TSHZ3: variants seen among roughly 807,000 people sequenced by gnomAD.
The protein encoded by TSHZ3 is teashirt homolog 3.
Under a neutral mutation model 64.5 loss-of-function variants are expected in TSHZ3, and 10 were observed. That is an observed-to-expected ratio of 0.16 (90% CI 0.10 to 0.26). TSHZ3 has a LOEUF of 0.26. Ranked by LOEUF, TSHZ3 falls within the 10% of genes least tolerant of loss-of-function variation. The pLI is 1.00. For missense variants in TSHZ3, 1,242 were observed against 1,421.7 expected (o/e 0.87, Z 2.03); for synonymous variants, 608 against 593.1 (o/e 1.03, Z -0.36).
chr19:31,303,950 C>T (rs1180456046), intron 1 of TSHZ3, among the ~76,000 whole-genome samples: 2 of 151,610 alleles, frequency 1.3e-5, no homozygotes, highest in Non-Finnish European at 2.9e-5. Context: ...ACAAGGACTT[C>T]ATGAAGTCCT....
At chr19:31,234,238 A>G (rs1483724641) in intron 3 of TSHZ3, among the ~76,000 whole-genome samples, 1 of 152,116 alleles carries the variant, frequency 6.6e-6, no homozygotes. Context: ...GACGTTGCTA[A>G]ATTCATTTTT....
chr19:31,236,063 C>A (rs1193111553), intron 3 of TSHZ3, among the ~76,000 whole-genome samples: 4 of 152,134 alleles, frequency 2.6e-5, no homozygotes, highest in Non-Finnish European at 2.9e-5. Context: ...CATATCTTGG[C>A]TATTGTGAAT....
intron 5 of TSHZ3, among the ~76,000 whole-genome samples, chr19:31,198,731 T>A (rs1287293224): frequency 1.3e-5 from 2 of 152,104 alleles, no homozygotes; most frequent in Admixed American, 1.3e-4. Context: ...ACAAAATATG[T>A]ACAAAATCTA....
chr19:31,307,366 A>G (rs917953238), intron 1 of TSHZ3, among the ~76,000 whole-genome samples: 2 of 152,018 alleles, frequency 1.3e-5, no homozygotes, highest in African/African-American at 2.4e-5. Context: ...GATGGGGCCA[A>G]CTGCATATGG....
Position 31,215,370 on chromosome 19 carries a change from G to A in TSHZ3, n.687-10292C>T, listed in dbSNP as rs568537760. 3.9e-5 allele frequency among the ~76,000 whole-genome samples: 6 copies of A among 152,238 alleles called. No individual in the cohort carries two copies. In the East Asian group the frequency reaches 1.2e-3, roughly 29 times the overall value. On this transcript the variant is annotated intron_variant and non_coding_transcript_variant, in intron 4 of 6. Transcript: ENST00000651361. Reference sequence around the variant, plus strand: ...TAAAATAATCTTAAATAACATCAATGCTATACAAGTAAACAAGAAACATCA... The same window carrying A: ...TAAAATAATCTTAAATAACATCAATACTATACAAGTAAACAAGAAACATCA...
At chr19:31,200,373 G>C (rs1015808785) in intron 5 of TSHZ3, among the ~76,000 whole-genome samples, 1 of 152,140 alleles carries the variant, frequency 6.6e-6, no homozygotes, top group African/African-American at 2.4e-5. Context: ...GGTACATCTT[G>C]ACTTTGGAAT....
chr19:31,209,493 G>A (rs1404549530), intron 4 of TSHZ3, among the ~76,000 whole-genome samples: 2 of 152,168 alleles, frequency 1.3e-5, no homozygotes, highest in African/African-American at 2.4e-5. Context: ...ACCCTAAGTG[G>A]GGATACTAGG....
At chr19:31,202,996 G>T (rs1354514814) in intron 5 of TSHZ3, among the ~76,000 whole-genome samples, 1 of 151,816 alleles carries the variant, frequency 6.6e-6, no homozygotes, top group Non-Finnish European at 1.5e-5. Context: ...GAGAGAGAAT[G>T]AAAATTAAGC....
intron 1 of TSHZ3, among the ~76,000 whole-genome samples, chr19:31,298,840 A>G (rs1976706108): frequency 6.6e-6 from 1 of 152,190 alleles, no homozygotes; most frequent in South Asian, 2.1e-4. Context: ...TCCAGAATAC[A>G]CGTTTAAAAT....
At chr19:31,341,732 C>T (rs947408882) in intron 1 of TSHZ3, among the ~76,000 whole-genome samples, 3 of 151,884 alleles carry the variant, frequency 2.0e-5, no homozygotes, top group East Asian at 1.9e-4. Context: ...GATCCGAATC[C>T]TCTGCTAGCA....
At chr19:31,285,944 G>C (rs1386375724) in intron 1 of TSHZ3, among the ~76,000 whole-genome samples, 2 of 152,182 alleles carry the variant, frequency 1.3e-5, no homozygotes, top group East Asian at 3.9e-4. Flanking sequence ...GGGGGAGGAG[G>C]TTCTCATTCA....
chr19:31,259,776 G>T lies in TSHZ3; in HGVS notation n.64-16901C>A, dbSNP rs551069937. 3.9e-5 allele frequency among the ~76,000 whole-genome samples: 6 copies of T among 152,320 alleles called. No individual in the cohort carries two copies. The South Asian group carries it at 1.2e-3, about 32-fold the overall frequency. On this transcript the variant is annotated intron_variant and non_coding_transcript_variant, in intron 1 of 6. Coordinates refer to the TSHZ3 transcript ENST00000651361. ...GGAGCTGCATTTAGGGAAGAGGAGA[G>T]AATGGTGGTTCTTTTGTGATCCATC... is the stretch of plus-strand genomic sequence containing the variant.
At chr19:31,187,654 A>G (rs181065877) in intron 5 of TSHZ3, among the ~76,000 whole-genome samples, 8 of 152,176 alleles carry the variant, frequency 5.3e-5, no homozygotes, top group Admixed American at 3.3e-4. Flanking sequence ...TTTTTTCAGT[A>G]TGGGTATATC....
intron 5 of TSHZ3, among the ~76,000 whole-genome samples, chr19:31,169,094 A>C (rs1264760290): frequency 1.3e-5 from 2 of 151,894 alleles, no homozygotes; most frequent in Admixed American, 1.3e-4. Flanking sequence ...AGTGGACTTC[A>C]TGTTATTTGA....
chr19:31,202,333 T>G (rs1975099716), intron 5 of TSHZ3, among the ~76,000 whole-genome samples: 1 of 152,202 alleles, frequency 6.6e-6, no homozygotes, highest in Non-Finnish European at 1.5e-5. Flanking sequence ...TGTAGATGTC[T>G]AGATATCGCT....
At chr19:31,304,503 C>T (rs1045718049) in intron 1 of TSHZ3, among the ~76,000 whole-genome samples, 1 of 123,502 alleles carries the variant, frequency 8.1e-6, no homozygotes, top group African/African-American at 2.8e-5. Context: ...ACCATAACAA[C>T]AACAACAACA....
chr19:31,340,732 T>G (rs768463789), intron 1 of TSHZ3, among the ~76,000 whole-genome samples: 1 of 152,180 alleles, frequency 6.6e-6, no homozygotes, highest in Non-Finnish European at 1.5e-5. Context: ...GGCTGCAGGT[T>G]TGCAGCCCAG....
At chr19:31,196,538 G>A (rs1474335721) in intron 5 of TSHZ3, among the ~76,000 whole-genome samples, 1 of 151,814 alleles carries the variant, frequency 6.6e-6, no homozygotes, top group Non-Finnish European at 1.5e-5. Flanking sequence ...TTGCCAGAGT[G>A]GATCAAAAAA....
At chr19:31,285,184 C>A (rs1252410795) in intron 1 of TSHZ3, among the ~76,000 whole-genome samples, 1 of 152,142 alleles carries the variant, frequency 6.6e-6, no homozygotes, top group African/African-American at 2.4e-5. Context: ...ATACCCTCTT[C>A]AGGAATGCAT....
Sources: gnomAD v4.1 joint callset for allele counts (sites outside exome capture counted in the v4.1 genomes callset) on GRCh38, gnomAD v4.1.1 for gene constraint, MANE v1.5 for transcripts, NCBI Gene and HGNC (gene_info 2026-07-23, HGNC 2026-07-21) for gene names.